Variants in ZNF671 observed in about 807,000 individuals in gnomAD.
The protein encoded by ZNF671 is zinc finger protein 671.
Under a neutral mutation model 16.6 loss-of-function variants are expected in ZNF671, and 19 were observed. The ratio of observed to expected loss-of-function variants is 1.14; its 90% CI spans 0.80 to 1.68. The LOEUF is 1.68. ZNF671 is among the 40% of genes most tolerant of loss of function. ZNF671 has a pLI of 0.00. For synonymous variants in ZNF671, 238 were observed against 236.3 expected, an observed-to-expected ratio of 1.01 and a Z score of -0.06; for missense variants, 637 against 659.8, an observed-to-expected ratio of 0.97 and a Z score of 0.38.
Position 57,720,473 on chromosome 19 carries a change from C to T in ZNF671, c.*8G>A, listed in dbSNP as rs1319377569. ...GGCCTAAGACTTTCCCCCACATTTG[C>T]TACACTCTTAAAGCTTTTCTCCAGC... On this transcript the variant is annotated 3_prime_UTR_variant, in exon 4 of 4. Coordinates refer to ENST00000317398, the MANE Select transcript of ZNF671 (RefSeq NM_024833.3). 6.2e-7 allele frequency: 1 copy of T among 1,606,588 alleles called. No homozygotes were observed. The highest frequency in any genetic ancestry group is 8.5e-7 in the Non-Finnish European group (1 of 1,174,292).
At position 57,727,510 on chromosome 19, in the gene ZNF671, G is replaced by C; in HGVS notation, c.19C>G (p.Arg7Gly). The change falls in exon 1 of 4, where the codon CGA becomes GGA. Residue 7 changes from arginine to glycine, a missense_variant. Coordinates refer to ENST00000317398, the MANE Select transcript of ZNF671 (RefSeq NM_024833.3). ...CCCTGCAGAGCATCAGACGCGTCTC[G>C]GGACACTGGGGACAACATCTCCTCC... MLSPVSRDASDALQGRK... is the reference protein window; with the variant it reads MLSPVSGDASDALQGRK... 5.0e-6 allele frequency: 8 copies of C among 1,605,876 alleles called. No individual in the cohort carries two copies. The highest frequency in any genetic ancestry group is 6.8e-6 in the Non-Finnish European group (8 of 1,173,856).
intron 1 of ZNF671, chr19:57,727,148 A>G: frequency 2.4e-6 from 1 of 409,580 alleles, no homozygotes; most frequent in Non-Finnish European, 4.3e-6. Flanking sequence ...TTCCAGTCAC[A>G]GTTCCTCAAA....
chr19:57,719,778 A>G lies in ZNF671; in HGVS notation c.*703T>C, dbSNP rs536333831. Reference sequence around the variant, plus strand: ...GTGGCTTAAAGAACAGGCCTTTATTATCATGAGCAATGTGAAGCAGGCAGT... The same window carrying G: ...GTGGCTTAAAGAACAGGCCTTTATTGTCATGAGCAATGTGAAGCAGGCAGT... On this transcript the variant is annotated 3_prime_UTR_variant, in exon 4 of 4. Transcript: ENST00000317398. The G allele has an allele frequency of 6.6e-6, 1 of 152,546 alleles. No individual in the cohort carries two copies. The highest frequency in any genetic ancestry group is 2.1e-4 in the South Asian group (1 of 4,834). The allele number at this position is 152,546 out of a possible 1,614,324, so 9.4% of individuals were successfully genotyped here. A position where few individuals can be genotyped will look rare whatever the true frequency, so the allele number is the denominator to read the frequency against.
Position 57,723,229 on chromosome 19 carries a change from G to T in ZNF671, c.250C>A (p.Leu84Ile). The change falls in exon 2 of 4, where the codon CTT becomes ATT. Residue 84 changes from leucine (L) to isoleucine (I), a missense_variant. Leu to Ile is a conservative substitution (Grantham distance 5). Coordinates refer to ENST00000317398, the MANE Select transcript of ZNF671 (RefSeq NM_024833.3). ...YHDVMLENFA[L>I]LASLGIAFSR... ...AGGACCTTACCCAGTGAGGCTAAAA[G>T]TGCAAAGTTCTCCAGCATCACATCA... The T allele has an allele frequency of 6.2e-7, 1 of 1,612,624 alleles. No homozygotes were observed. Among genetic ancestry groups the T allele is most frequent in the Non-Finnish European group, 8.5e-7 (1 of 1,179,174 alleles).
chr19:57,727,351 G>A, intron 1 of ZNF671, 40 bp downstream of exon 1: 2 of 1,569,442 alleles, frequency 1.3e-6, no homozygotes, highest in Non-Finnish European at 1.7e-6. Context: ...TTCGGAGTCG[G>A]AGAAAGGGTG....
rs1985882342 is a variant in ZNF671, at chr19:57,721,661, GA to G, written c.424del (p.Ser142LeufsTer7). On this transcript the variant is annotated frameshift_variant, in exon 4 of 4. Coordinates refer to ENST00000317398, the MANE Select transcript of ZNF671 (RefSeq NM_024833.3). LOFTEE classifies it low-confidence loss of function (END_TRUNC). ...WHGVEDEEVS[S>X]EQSIFVAGVS... is the part of the protein sequence containing the mutation. The stretch of plus-strand genomic sequence containing the variant: ...TCCTGCTACAAAAATGCTCTGCTCA[GA>G]AGATACCTCTTCATCCTCCACTCCA... The G allele has an allele frequency of 4.3e-6, 7 of 1,613,898 alleles. No individual in the cohort carries two copies. The South Asian group carries it at 6.6e-5, about 15-fold the overall frequency.
At chr19:57,724,198 G>A (rs1985972752) in intron 1 of ZNF671, among the ~76,000 whole-genome samples, 1 of 152,096 alleles carries the variant, frequency 6.6e-6, no homozygotes, top group African/African-American at 2.4e-5. Flanking sequence ...CAAACCACAT[G>A]CAGATCTCAG....
chr19:57,722,302 C>T lies in ZNF671; in HGVS notation c.388+14G>A, dbSNP rs778431202. 40 of 1,613,392 alleles carry T rather than the reference C, an allele frequency of 2.5e-5. No individual in the cohort carries two copies. The highest frequency in any genetic ancestry group is 4.0e-5 in the African/African-American group (3 of 74,900). On this transcript the variant is annotated intron_variant, in intron 3 of 3. Transcript: ENST00000317398. ...CCAGCTTTGACATCGTGCCCTTCCC[C>T]GATGTCCACTCACCAGGTCTAAGTC...
At chr19:57,726,737 G>C (rs1986061199) in intron 1 of ZNF671, among the ~76,000 whole-genome samples, 1 of 152,138 alleles carries the variant, frequency 6.6e-6, no homozygotes, top group South Asian at 2.1e-4. Flanking sequence ...CCTCCACTCT[G>C]AGACATCTCA....
chr19:57,727,402 C>G lies in ZNF671; in HGVS notation c.127G>C (p.Asp43His), dbSNP rs779949654. ...RAHGPMAELT[D>H]SARGCVVFED... ...GACGCAGCACCCACCCGCGCGGAGT[C>G]CGTTAGCTCCGCCATAGGACCGTGG... is the stretch of plus-strand genomic sequence containing the variant. The change falls in exon 1 of 4, where the codon GAC becomes CAC. Residue 43 changes from aspartate to histidine, a missense_variant. Transcript: ENST00000317398. 6.2e-7 allele frequency: 1 copy of G among 1,605,020 alleles called. No individual in the cohort carries two copies. Among genetic ancestry groups the G allele is most frequent in the South Asian group, 1.1e-5 (1 of 90,688 alleles).
intron 3 of ZNF671, 180 bp downstream of exon 3, chr19:57,722,136 G>T: frequency 1.0e-6 from 1 of 988,634 alleles, no homozygotes; most frequent in Non-Finnish European, 1.5e-6. Context: ...GAAGGCCAGA[G>T]GTGAGGGTGG....
Position 57,721,189 on chromosome 19 carries a change from T to C in ZNF671, c.897A>G (p.Thr299=), listed in dbSNP as rs1175124598. The C allele has an allele frequency of 9.3e-6, 15 of 1,612,568 alleles. No individual in the cohort carries two copies. Among genetic ancestry groups the C allele is most frequent in the Non-Finnish European group, 8.5e-6 (10 of 1,178,892 alleles). Residue 299 remains threonine, a synonymous_variant, in exon 4 of 4, where the codon ACA becomes ACG. Transcript: ENST00000317398. Reference sequence around the variant, plus strand: ...TGTGGATTCTCTGATGCCGAGCAAGTGTGTCTTTGCGGGTGAAGGCTTTCC... The same window carrying C: ...TGTGGATTCTCTGATGCCGAGCAAGCGTGTCTTTGCGGGTGAAGGCTTTCC... ...ECGKAFTRKD[T]LARHQRIHTG...
chr19:57,727,254 TCTCCCACACC>T (rs1986078485), intron 1 of ZNF671, 127 bp downstream of exon 1: 1 of 1,273,494 alleles, frequency 7.9e-7, no homozygotes, highest in South Asian at 1.8e-5. Context: ...CGCCCGTAAC[TCTCCCACACC>T]CACCCACACC....
rs1168428427 is a variant in ZNF671, at chr19:57,721,283, G to A, written c.803C>T (p.Pro268Leu). The A allele has an allele frequency of 5.0e-6, 8 of 1,592,752 alleles. No individual in the cohort carries two copies. The highest frequency in any genetic ancestry group is 1.1e-5 in the South Asian group (1 of 87,646). ...ACTCACAAGCTTAGTGCTCTTGTGG[G>A]GCTTCATGCTGCTGAGAGAGGCCTG... Reference protein sequence around the residue: ...QHQASLSSMKPHKSTKLVSGF... With the variant: ...QHQASLSSMKLHKSTKLVSGF... Residue 268 changes from proline to leucine, a missense_variant, in exon 4 of 4, where the codon CCC (proline) becomes CTC (leucine). Coordinates refer to ENST00000317398, the MANE Select transcript of ZNF671 (RefSeq NM_024833.3).
rs148335987 is a variant in ZNF671, at chr19:57,725,680, T to C, written c.138+1711A>G. Among the ~76,000 whole-genome samples the C allele has an allele frequency of 5.2e-3, 779 of 151,246 alleles. 3 individuals carry two copies. The highest frequency in any genetic ancestry group is 8.9e-3 in the Non-Finnish European group (601 of 67,844). On this transcript the variant is annotated intron_variant, in intron 1 of 3. Transcript: ENST00000317398. ...GCCAAGGCATGGTGGCTCACTCTTG[T>C]AATCCCAGCACTTTGGGAGGCCGAA...
Position 57,720,908 on chromosome 19 carries a change from C to T in ZNF671, c.1178G>A (p.Gly393Glu), listed in dbSNP as rs950791509. The change falls in exon 4 of 4, where the codon GGA becomes GAA. Residue 393 changes from glycine (G) to glutamate (E), a missense_variant. By Grantham distance (98) the Gly-to-Glu change is moderately conservative. Transcript: ENST00000317398. ...TTCGCTGCATACATAAGGCCTGGCTCCTGTGTGAACTTCCTGGTGTCGAAT... is the reference window on the plus strand; with the variant it reads ...TTCGCTGCATACATAAGGCCTGGCTTCTGTGTGAACTTCCTGGTGTCGAAT... Reference protein sequence around the residue: ...NLIRHQEVHTGARPYVCSECG... With the variant: ...NLIRHQEVHTEARPYVCSECG... The T allele has an allele frequency of 6.2e-7, 1 of 1,614,196 alleles. No homozygotes were observed. The highest frequency in any genetic ancestry group is 8.5e-7 in the Non-Finnish European group (1 of 1,180,040).
rs764853991 is a variant in ZNF671, at chr19:57,723,219, G to A, written c.260C>T (p.Ser87Leu). Reference protein sequence around the residue: ...VMLENFALLASLGIAFSRSRA... With the variant: ...VMLENFALLALLGIAFSRSRA... ...GAAAAGCATGAGGACCTTACCCAGT[G>A]AGGCTAAAAGTGCAAAGTTCTCCAG... Residue 87 changes from serine (S) to leucine (L), a missense_variant, in exon 2 of 4, where the codon TCA becomes TTA. By Grantham distance (145) the Ser-to-Leu change is moderately radical. Transcript: ENST00000317398. 2.4e-5 allele frequency: 39 copies of A among 1,610,884 alleles called. No homozygotes were observed. Among genetic ancestry groups the A allele is most frequent in the Non-Finnish European group, 3.2e-5 (38 of 1,178,272 alleles).
At chr19:57,725,328 T>A (rs968754659) in intron 1 of ZNF671, among the ~76,000 whole-genome samples, 6 of 151,068 alleles carry the variant, frequency 4.0e-5, no homozygotes, top group African/African-American at 1.5e-4. Context: ...TAGCTGGGCG[T>A]GGTGGCGGGT....
chr19:57,721,438 T>G lies in ZNF671; in HGVS notation c.648A>C (p.Gly216=), dbSNP rs751716024. Reference sequence around the variant, plus strand: ...CCTCCTTCCTTGGGAAAAGTTTCCCTCCATTGGGCTGGTTCTGGTGCTGGT... The same window carrying G: ...CCTCCTTCCTTGGGAAAAGTTTCCCGCCATTGGGCTGGTTCTGGTGCTGGT... The part of the protein sequence containing the change: ...DFDQHQNQPN[G]GKLFPRKEGR... The change falls in exon 4 of 4, where the codon GGA becomes GGC. Residue 216 remains glycine, a synonymous_variant. Transcript: ENST00000317398. The G allele has an allele frequency of 1.2e-5, 19 of 1,614,212 alleles. No homozygotes were observed. The highest frequency in any genetic ancestry group is 1.6e-5 in the Non-Finnish European group (19 of 1,180,036).
Sources: gnomAD v4.1 joint callset for allele counts (sites outside exome capture counted in the v4.1 genomes callset) on GRCh38, gnomAD v4.1.1 for gene constraint, MANE v1.5 for transcripts, NCBI Gene and HGNC (gene_info 2026-07-23, HGNC 2026-07-21) for gene names.